ERLEC1: variants seen among roughly 807,000 people sequenced by gnomAD.
The protein encoded by ERLEC1 is endoplasmic reticulum lectin 1.
Under a neutral mutation model 68.0 loss-of-function variants are expected in ERLEC1, and 47 were observed. That is an observed-to-expected ratio of 0.69 (90% CI 0.55 to 0.88). The LOEUF is 0.88. ERLEC1 is among the 40% of genes least tolerant of loss of function. ERLEC1 has a pLI of 0.00. For synonymous variants in ERLEC1, 225 were observed against 203.2 expected (o/e 1.11, Z -0.91); for missense variants, 567 against 583.8 (o/e 0.97, Z 0.30).
chr2:53,796,032 C>G lies in ERLEC1; in HGVS notation c.348+19C>G. On this transcript the variant is annotated intron_variant, in intron 3 of 13. Coordinates refer to ENST00000185150, the MANE Select transcript of ERLEC1 (RefSeq NM_015701.5). ...CTACAGAGTATGTATTTTATGTTTACTTGATGACTAGAAAATAGATTACCA... is the reference window on the plus strand; with the variant it reads ...CTACAGAGTATGTATTTTATGTTTAGTTGATGACTAGAAAATAGATTACCA... 1 of 1,491,002 alleles carries G rather than the reference C, an allele frequency of 6.7e-7. No individual in the cohort carries two copies. Among genetic ancestry groups the G allele is most frequent in the Non-Finnish European group, 9.2e-7 (1 of 1,091,916 alleles). 92.4% of individuals were successfully genotyped at this position (1,491,002 alleles called of 1,614,324 possible). A position where few individuals can be genotyped will look rare whatever the true frequency, so the allele number is the denominator to read the frequency against.
At chr2:53,804,822 C>G (rs1340646710) in intron 8 of ERLEC1, among the ~76,000 whole-genome samples, 1 of 151,984 alleles carries the variant, frequency 6.6e-6, no homozygotes, top group Non-Finnish European at 1.5e-5. Context: ...CCTTCCCAGC[C>G]TATAGTAACC....
rs772010976 is a variant in ERLEC1, at chr2:53,797,502, C to G, written c.349-13C>G. ...GTGGCTTTTGTGCATTGAAATATAT[C>G]CATCTTTTTTAGATTGAGTCTTATT... is the stretch of plus-strand genomic sequence containing the variant. On this transcript the variant is annotated splice_polypyrimidine_tract_variant and intron_variant, in intron 3 of 13. Transcript: ENST00000185150. The G allele has an allele frequency of 3.8e-6, 6 of 1,595,942 alleles. No homozygotes were observed. The highest frequency in any genetic ancestry group is 4.5e-5 in the East Asian group (2 of 44,658).
At chr2:53,796,928 G>A (rs1201697745) in intron 3 of ERLEC1, among the ~76,000 whole-genome samples, 8 of 123,026 alleles carry the variant, frequency 6.5e-5, no homozygotes, top group African/African-American at 1.9e-4. Context: ...GTTTCACTCC[G>A]TCACCCAGGC....
intron 6 of ERLEC1, 84 bp downstream of exon 6, chr2:53,799,165 A>AT: frequency 4.4e-6 from 5 of 1,146,072 alleles, no homozygotes; most frequent in Non-Finnish European, 6.4e-6. Context: ...GACAGAATAT[A>AT]TCTTTATGTT....
chr2:53,794,018 C>G (rs1204987502), intron 1 of ERLEC1, among the ~76,000 whole-genome samples: 6 of 152,102 alleles, frequency 3.9e-5, no homozygotes, highest in Admixed American at 3.9e-4. Context: ...ACAATAAACA[C>G]TGGAGATTCC....
intron 13 of ERLEC1, among the ~76,000 whole-genome samples, chr2:53,816,768 G>T (rs566764488): frequency 2.0e-5 from 3 of 151,968 alleles, no homozygotes; most frequent in Admixed American, 6.6e-5. Context: ...CCTAAATGTG[G>T]TTTTCTCTGT....
At position 53,801,823 on chromosome 2, in the gene ERLEC1, C is replaced by A; in HGVS notation, c.860C>A (p.Pro287His). The A allele has an allele frequency of 6.2e-7, 1 of 1,613,422 alleles. No homozygotes were observed. The highest frequency in any genetic ancestry group is 8.5e-7 in the Non-Finnish European group (1 of 1,179,646). ...LEQQEEILRVPFRRNKEEDLQ... is the reference protein window; with the variant it reads ...LEQQEEILRVHFRRNKEEDLQ... ...CAGCAGGAAGAAATACTAAGGGTGCCTTTTAGGAGAAATAAAGAGGTATGA... is the reference window on the plus strand; with the variant it reads ...CAGCAGGAAGAAATACTAAGGGTGCATTTTAGGAGAAATAAAGAGGTATGA... Residue 287 changes from proline to histidine, a missense_variant, in exon 8 of 14, where the codon CCT (proline) becomes CAT (histidine). Pro to His is a moderately conservative substitution (Grantham distance 77, BLOSUM62 -2). Coordinates refer to ENST00000185150, the MANE Select transcript of ERLEC1 (RefSeq NM_015701.5).
rs1270485535 is a variant in ERLEC1 at position 53,794,410 on chromosome 2, A to C, written c.228A>C (p.Lys76Asn). 1.3e-6 allele frequency: 2 copies of C among 1,585,382 alleles called. No homozygotes were observed. The highest frequency in any genetic ancestry group is 2.3e-5 in the East Asian group (1 of 44,424). ...TCATGACAACTGCACATAAAGAAAA[A>C]TATAAATGCATACTTCCCCTTGTGA... Reference protein sequence around the residue: ...YVIMTTAHKEKYKCILPLVTS... With the variant: ...YVIMTTAHKENYKCILPLVTS... The change falls in exon 2 of 14, where the codon AAA becomes AAC. Residue 76 changes from lysine to asparagine, a missense_variant. By Grantham distance (94) the Lys-to-Asn change is moderately conservative. Transcript: ENST00000185150.
intron 1 of ERLEC1, among the ~76,000 whole-genome samples, chr2:53,792,068 C>G (rs939315531): frequency 6.6e-6 from 1 of 151,952 alleles, no homozygotes; most frequent in African/African-American, 2.4e-5. Context: ...CCCGCCACCA[C>G]GGCCGGCTAA....
chr2:53,799,485 G>A (rs1414366725), intron 6 of ERLEC1, among the ~76,000 whole-genome samples: 1 of 152,094 alleles, frequency 6.6e-6, no homozygotes, highest in Non-Finnish European at 1.5e-5. Flanking sequence ...TAAAAGCAGG[G>A]ACAGTCTTTT....
chr2:53,814,772 C>G (rs1676774406), intron 12 of ERLEC1, 88 bp from the exon 13 acceptor site: 1 of 1,102,164 alleles, frequency 9.1e-7, no homozygotes, highest in Admixed American at 2.0e-5. Context: ...ACAGGGTCCA[C>G]TTGAGTGGGA....
chr2:53,796,093 T>G lies in ERLEC1; in HGVS notation c.348+80T>G, dbSNP rs1675681865. The G allele has an allele frequency of 3.9e-6, 4 of 1,029,204 alleles. No individual in the cohort carries two copies. In the East Asian group the frequency reaches 9.9e-5, roughly 26 times the overall value. 63.8% of individuals were successfully genotyped at this position (1,029,204 alleles called of 1,614,324 possible). On this transcript the variant is annotated intron_variant, in intron 3 of 13. Coordinates refer to ENST00000185150, the MANE Select transcript of ERLEC1 (RefSeq NM_015701.5). ...GACCTTTGAAAATACCGTTTCTTCT[T>G]TATTATGTTGTGTCAGGTTTTTTTT...
At chr2:53,813,803 T>A (rs75142211) in intron 11 of ERLEC1, among the ~76,000 whole-genome samples, 3 of 151,996 alleles carry the variant, frequency 2.0e-5, no homozygotes, top group Non-Finnish European at 2.9e-5. Flanking sequence ...TTTTTTTTTT[T>A]AATACTTTAA....
chr2:53,815,017 G>C (rs183757321), intron 13 of ERLEC1, 82 bp downstream of exon 13: 2 of 454,080 alleles, frequency 4.4e-6, no homozygotes, highest in Non-Finnish European at 6.2e-6. Context: ...TTTTTTTTTT[G>C]TTTTTTTGAG....
At chr2:53,805,302 A>C (rs1181995938) in intron 8 of ERLEC1, among the ~76,000 whole-genome samples, 1 of 152,100 alleles carries the variant, frequency 6.6e-6, no homozygotes, top group Non-Finnish European at 1.5e-5. Context: ...GATTACAGAC[A>C]TGAGCCACCG....
chr2:53,796,214 C>A (rs1299361880), intron 3 of ERLEC1, among the ~76,000 whole-genome samples: 1 of 148,684 alleles, frequency 6.7e-6, no homozygotes, highest in African/African-American at 2.5e-5. Context: ...TATTTAGTCA[C>A]CTAGATAATG....
At position 53,813,024 on chromosome 2, in the gene ERLEC1, A is replaced by C. The variant is rs139630231; in HGVS notation, c.1177A>C (p.Asn393His). The change falls in exon 11 of 14, where the codon AAT becomes CAT. Residue 393 changes from asparagine (N) to histidine (H), a missense_variant. Coordinates refer to ENST00000185150, the MANE Select transcript of ERLEC1 (RefSeq NM_015701.5). ...QEEHIEWAKK[N>H]TARAYHLQDD... ...AGAGCATATTGAATGGGCTAAGAAG[A>C]ATACTGCTAGAGCTTATCATCTTCA... 1.5e-3 allele frequency: 2,495 copies of C among 1,613,828 alleles called. 6 individuals carry two copies. Among genetic ancestry groups the C allele is most frequent in the Non-Finnish European group, 1.9e-3 (2,290 of 1,179,930 alleles).
intron 8 of ERLEC1, among the ~76,000 whole-genome samples, chr2:53,805,867 G>T (rs2104317345): frequency 6.6e-6 from 1 of 152,218 alleles, no homozygotes; most frequent in South Asian, 2.1e-4. Context: ...ATATCTCATT[G>T]TAGTTTTGAT....
At chr2:53,804,448 A>AT (rs1676171980) in intron 8 of ERLEC1, among the ~76,000 whole-genome samples, 2 of 151,888 alleles carry the variant, frequency 1.3e-5, no homozygotes, top group East Asian at 1.9e-4. Flanking sequence ...TAATTCTTAT[A>AT]TTTTTTTAGT....
Sources: allele counts gnomAD v4.1 joint callset (sites outside exome capture counted in the v4.1 genomes callset), GRCh38; gene constraint gnomAD v4.1.1; transcripts MANE v1.5; gene names NCBI Gene and HGNC (gene_info 2026-07-23, HGNC 2026-07-21).